The following COL19A1 variants were observed in gnomAD, a reference collection of about 807,000 sequenced individuals.
The protein encoded by COL19A1 is collagen type XIX alpha 1 chain.
A neutral mutation model predicts 190.2 loss-of-function variants in COL19A1; 159 were observed. The observed-to-expected ratio is 0.84, with a 90% confidence interval of 0.73 to 0.95. The LOEUF is 0.95. Among genes scored for constraint, COL19A1 ranks in the 40% least tolerant of loss-of-function variants. The pLI is 0.00. For synonymous variants in COL19A1, 509 were observed against 458.9 expected (o/e 1.11, Z -1.39); for missense variants, 1,418 against 1,431.9 (o/e 0.99, Z 0.16).
At chr6:70,099,183 C>T (rs918502290) in intron 15 of COL19A1, among the ~76,000 whole-genome samples, 5 of 151,970 alleles carry the variant, frequency 3.3e-5, no homozygotes, top group African/African-American at 9.7e-5. Context: ...CTCCTCTATC[C>T]TCCACAAGTC....
At chr6:70,123,470 T>A (rs1211519871) in intron 17 of COL19A1, among the ~76,000 whole-genome samples, 2 of 151,076 alleles carry the variant, frequency 1.3e-5, no homozygotes, top group African/African-American at 4.9e-5. Context: ...ATATACCCAA[T>A]GGACTATAAA....
intron 14 of COL19A1, among the ~76,000 whole-genome samples, chr6:70,046,488 A>G (rs1779924492): frequency 1.3e-5 from 2 of 152,190 alleles, no homozygotes; most frequent in South Asian, 4.1e-4. Flanking sequence ...ACTCCACAAC[A>G]AAGTAATTTT....
At chr6:69,981,978 A>G (rs1326586744) in intron 11 of COL19A1, among the ~76,000 whole-genome samples, 6 of 152,314 alleles carry the variant, frequency 3.9e-5, no homozygotes, top group Admixed American at 3.3e-4. Context: ...AGCTGCTACA[A>G]TAATACACAA....
chr6:70,017,020 A>G (rs1778149393), intron 11 of COL19A1, among the ~76,000 whole-genome samples: 1 of 152,102 alleles, frequency 6.6e-6, no homozygotes, highest in East Asian at 1.9e-4. Context: ...TACCTAAGAA[A>G]AGTAAAAATC....
At chr6:69,882,319 A>G (rs551637492) in intron 2 of COL19A1, among the ~76,000 whole-genome samples, 35 of 152,318 alleles carry the variant, frequency 2.3e-4, no homozygotes, top group Non-Finnish European at 5.0e-4. Context: ...TATTGAGATC[A>G]TGGGATAAGA....
intron 22 of COL19A1, among the ~76,000 whole-genome samples, chr6:70,142,539 C>T (rs1192220684): frequency 2.0e-5 from 3 of 152,102 alleles, no homozygotes. Flanking sequence ...GGCAAGTTAC[C>T]AGGTATCACC....
chr6:70,153,739 T>C (rs1787240553), intron 31 of COL19A1, among the ~76,000 whole-genome samples: 1 of 152,160 alleles, frequency 6.6e-6, no homozygotes, highest in African/African-American at 2.4e-5. Flanking sequence ...GGAAATCATT[T>C]TGTTTTTCTT....
At chr6:69,925,134 G>T (rs1336758245) in intron 4 of COL19A1, among the ~76,000 whole-genome samples, 3 of 152,090 alleles carry the variant, frequency 2.0e-5, no homozygotes, top group African/African-American at 7.2e-5. Flanking sequence ...CATTGCTTTT[G>T]GTGTTTTAGA....
In COL19A1 at chr6:70,102,182, A is replaced by G. The variant is rs776073368; in HGVS notation, c.1238A>G (p.Lys413Arg). Residue 413 changes from lysine (K) to arginine (R), a missense_variant, in exon 16 of 51, where the codon AAA (lysine) becomes AGA (arginine). By Grantham distance (26) the Lys-to-Arg change is conservative. Transcript: ENST00000620364. ...TTTGGTTTCAAGGGAAGACGAGGGA[A>G]AACAGGACCTCCCGGAAAACCAGGA... ...GKEGQRGRRG[K>R]TGPPGKPGPP... The G allele has an allele frequency of 1.2e-6, 2 of 1,612,744 alleles. No individual in the cohort carries two copies. The highest frequency in any genetic ancestry group is 3.3e-5 in the Admixed American group (2 of 59,980).
chr6:70,176,407 T>TA, intron 41 of COL19A1, 113 bp from the exon 42 acceptor site: 1 of 1,065,670 alleles, frequency 9.4e-7, no homozygotes, highest in Non-Finnish European at 1.4e-6. Context: ...CAATAACACT[T>TA]ATCAGATCCA....
intron 4 of COL19A1, among the ~76,000 whole-genome samples, chr6:69,901,004 ATAAT>A (rs1770156314): frequency 6.6e-6 from 1 of 152,238 alleles, no homozygotes; most frequent in Non-Finnish European, 1.5e-5. Flanking sequence ...ATAGTTGGCA[ATAAT>A]TAAAGGATGA....
chr6:69,954,813 G>T (rs550899117), intron 9 of COL19A1, among the ~76,000 whole-genome samples: 1 of 152,002 alleles, frequency 6.6e-6, no homozygotes, highest in African/African-American at 2.4e-5. Flanking sequence ...CAGGGCTAAA[G>T]ATAAGTAACC....
chr6:70,041,676 T>C (rs1779639182), intron 14 of COL19A1, among the ~76,000 whole-genome samples: 1 of 152,114 alleles, frequency 6.6e-6, no homozygotes, highest in South Asian at 2.1e-4. Context: ...CCTAAGCTAT[T>C]AAATTCTGCA....
chr6:70,031,503 T>A (rs1779072665), intron 12 of COL19A1, among the ~76,000 whole-genome samples: 1 of 152,102 alleles, frequency 6.6e-6, no homozygotes, highest in African/African-American at 2.4e-5. Context: ...TTTTTACACT[T>A]TCTACCTCCA....
chr6:70,100,134 T>G (rs1374403003), intron 15 of COL19A1, among the ~76,000 whole-genome samples: 1 of 152,212 alleles, frequency 6.6e-6, no homozygotes, highest in Non-Finnish European at 1.5e-5. Context: ...GAATGTAAAC[T>G]AAAGTTGATC....
At chr6:69,986,437 C>G (rs1776321707) in intron 11 of COL19A1, among the ~76,000 whole-genome samples, 1 of 152,052 alleles carries the variant, frequency 6.6e-6, no homozygotes, top group Middle Eastern at 3.2e-3. Flanking sequence ...ACCTACATCA[C>G]AATCTCGTGG....
At chr6:70,056,530 G>T (rs555798488) in intron 14 of COL19A1, among the ~76,000 whole-genome samples, 3 of 152,098 alleles carry the variant, frequency 2.0e-5, no homozygotes, top group Non-Finnish European at 4.4e-5. Context: ...CACCTGTGCC[G>T]TGTGATTCAT....
At chr6:70,089,167 C>G (rs1248338282) in intron 15 of COL19A1, among the ~76,000 whole-genome samples, 1 of 152,048 alleles carries the variant, frequency 6.6e-6, no homozygotes, top group Non-Finnish European at 1.5e-5. Context: ...TTCAATTTGA[C>G]TTTTTCCAAA....
intron 15 of COL19A1, among the ~76,000 whole-genome samples, chr6:70,091,270 C>T (rs2150175542): frequency 6.6e-6 from 1 of 152,206 alleles, no homozygotes; most frequent in East Asian, 1.9e-4. Flanking sequence ...ATTTGCCTCA[C>T]CCTTAAAATG....
Sources: allele counts gnomAD v4.1 joint callset (sites outside exome capture counted in the v4.1 genomes callset), GRCh38; gene constraint gnomAD v4.1.1; transcripts MANE v1.5; gene names NCBI Gene and HGNC (gene_info 2026-07-23, HGNC 2026-07-21).